The following PCDHGA6 variants were observed in gnomAD, a reference collection of about 807,000 sequenced individuals.
PCDHGA6 encodes protocadherin gamma-A6.
Under a neutral mutation model 60.6 loss-of-function variants are expected in PCDHGA6, and 41 were observed. The observed-to-expected ratio is 0.68, with a 90% CI of 0.53 to 0.88. PCDHGA6 has a LOEUF of 0.88. Among genes scored for constraint, PCDHGA6 ranks in the 40% least tolerant of loss-of-function variants. The pLI, the probability that PCDHGA6 is intolerant of heterozygous loss-of-function variation, is 0.00. For missense variants in PCDHGA6, 1,312 were observed against 1,203.0 expected, an observed-to-expected ratio of 1.09 and a Z score of -1.34; for synonymous variants, 594 against 524.4, an observed-to-expected ratio of 1.13 and a Z score of -1.81.
At chr5:141,430,448 G>T in intron 1 of PCDHGA6, 1 of 192,294 alleles carries the variant, frequency 5.2e-6, no homozygotes. Flanking sequence ...ATCCCCTTTT[G>T]AAGAACAGTA....
At chr5:141,408,211 G>C in intron 1 of PCDHGA6, 1 of 1,554,426 alleles carries the variant, frequency 6.4e-7, no homozygotes, top group Non-Finnish European at 8.7e-7. Context: ...CGATGGGAGG[G>C]AGCTGCGCGC....
chr5:141,485,609 G>T lies in PCDHGA6; in HGVS notation c.2425-9198G>T. On this transcript the variant is annotated intron_variant, in intron 1 of 3. Coordinates refer to ENST00000517434, the MANE Select transcript of PCDHGA6 (RefSeq NM_018919.3). The surrounding 1 kb of genome is among the most constrained non-coding windows in gnomAD (Gnocchi z 5.7). ...GCTGGACTTGGAAATTGGGGAGGCA[G>T]CTCCTCCAGGACAGCGTTTCCCGTT... The T allele has an allele frequency of 6.2e-7, 1 of 1,612,256 alleles. No homozygotes were observed. Among genetic ancestry groups the T allele is most frequent in the Non-Finnish European group, 8.5e-7 (1 of 1,178,656 alleles).
rs201394036 is a variant in PCDHGA6 at position 141,385,181 on chromosome 5, C to A, written c.2424+8674C>A. On this transcript the variant is annotated intron_variant, in intron 1 of 3. Coordinates refer to ENST00000517434, the MANE Select transcript of PCDHGA6 (RefSeq NM_018919.3). ...TATTCCCATGAGGTCTCCCTCACCGCGGACTCTCGGAAGAGTCACCTGATC... is the reference window on the plus strand; with the variant it reads ...TATTCCCATGAGGTCTCCCTCACCGAGGACTCTCGGAAGAGTCACCTGATC... 2.3e-4 allele frequency: 371 copies of A among 1,614,202 alleles called. 1 individual carries two copies. The highest frequency in any genetic ancestry group is 2.9e-4 in the Non-Finnish European group (346 of 1,180,040).
At chr5:141,484,950 T>G in intron 1 of PCDHGA6, 1 of 561,950 alleles carries the variant, frequency 1.8e-6, no homozygotes, top group Non-Finnish European at 3.2e-6. Context: ...GCTCAGCCTA[T>G]TGGCTGAGCC....
intron 1 of PCDHGA6, chr5:141,398,772 G>T: frequency 6.2e-7 from 1 of 1,613,910 alleles, no homozygotes; most frequent in Non-Finnish European, 8.5e-7. Flanking sequence ...TGACTGCCTT[G>T]GACGGTGGAC....
intron 1 of PCDHGA6, chr5:141,419,997 T>C: frequency 2.5e-6 from 4 of 1,614,088 alleles, no homozygotes; most frequent in Non-Finnish European, 3.4e-6. Flanking sequence ...GCTATTGCTC[T>C]ACGCCTGCGA....
Position 141,511,643 on chromosome 5 carries a change from C to T in PCDHGA6, c.*470C>T, listed in dbSNP as rs937995879. ...TGAAAAGTTGGAAGGGCATCATGACCTCTTGGCCTCTCCTTTGATTCTCAA... is the reference window on the plus strand; with the variant it reads ...TGAAAAGTTGGAAGGGCATCATGACTTCTTGGCCTCTCCTTTGATTCTCAA... On this transcript the variant is annotated 3_prime_UTR_variant, in exon 4 of 4. Coordinates refer to ENST00000517434, the MANE Select transcript of PCDHGA6 (RefSeq NM_018919.3). 4 of 218,904 alleles carry T rather than the reference C, an allele frequency of 1.8e-5. No homozygotes were observed. The highest frequency in any genetic ancestry group is 5.2e-5 in the Admixed American group (1 of 19,306). 13.6% of individuals were successfully genotyped at this position (218,904 alleles called of 1,614,324 possible). A position where few individuals can be genotyped will look rare whatever the true frequency, so the allele number is the denominator to read the frequency against.
In PCDHGA6 at chr5:141,485,870, C is replaced by A. The variant is rs745737454; in HGVS notation, c.2425-8937C>A. On this transcript the variant is annotated intron_variant, in intron 1 of 3. Coordinates refer to ENST00000517434, the MANE Select transcript of PCDHGA6 (RefSeq NM_018919.3). The surrounding 1 kb of genome is among the most constrained non-coding windows in gnomAD (Gnocchi z 5.7). ...CACCGCAGAGCTCCGGGTATCCGTGCTGGACGTAAACGACAACGCCCCAGC... is the reference window on the plus strand; with the variant it reads ...CACCGCAGAGCTCCGGGTATCCGTGATGGACGTAAACGACAACGCCCCAGC... 1 of 1,614,174 alleles carries A rather than the reference C, an allele frequency of 6.2e-7. No homozygotes were observed. Among genetic ancestry groups the A allele is most frequent in the Non-Finnish European group, 8.5e-7 (1 of 1,180,032 alleles).
At chr5:141,420,551 ATTTTTACGGCATGGT>A (rs2096505176) in intron 1 of PCDHGA6, 3 of 266,550 alleles carry the variant, frequency 1.1e-5, no homozygotes, top group Admixed American at 5.1e-5. Context: ...ATACAGGTAT[ATTTTTACGGCATGGT>A]ATTTTAATTG....
chr5:141,457,335 A>G (rs2098917073), intron 1 of PCDHGA6, among the ~76,000 whole-genome samples: 1 of 152,172 alleles, frequency 6.6e-6, no homozygotes, highest in Admixed American at 6.5e-5. Flanking sequence ...CAGGTACCTT[A>G]CTTACTTTCA....
At chr5:141,405,227 C>A (rs562247940) in intron 1 of PCDHGA6, 1 of 1,614,114 alleles carries the variant, frequency 6.2e-7, no homozygotes. Context: ...GGAGTTCTCC[C>A]TCACCGCTGA....
At position 141,489,503 on chromosome 5, in the gene PCDHGA6, A is replaced by T; in HGVS notation, c.2425-5304A>T. 1 of 1,614,092 alleles carries T rather than the reference A, an allele frequency of 6.2e-7. No homozygotes were observed. ...ATGAGTGGTGCCCTGGCAGTGAATC[A>T]AAAGATTGACCGAGAAAGCCTATGT... is the stretch of plus-strand genomic sequence containing the variant. On this transcript the variant is annotated intron_variant, in intron 1 of 3. Transcript: ENST00000517434. The surrounding 1 kb of genome is among the most constrained non-coding windows in gnomAD (Gnocchi z 4.5).
In PCDHGA6 at chr5:141,477,101, G is replaced by A. The variant is rs770640663; in HGVS notation, c.2425-17706G>A. On this transcript the variant is annotated intron_variant, in intron 1 of 3. Transcript: ENST00000517434. The surrounding 1 kb of genome is among the most constrained non-coding windows in gnomAD (Gnocchi z 4.9). ...TTACATCCAGGCCAAAGACAAGGGC[G>A]CCAATCCCGAAGGAGCACATTGCAA... 2 of 1,614,262 alleles carry A rather than the reference G, an allele frequency of 1.2e-6. No individual in the cohort carries two copies. Among genetic ancestry groups the A allele is most frequent in the East Asian group, 2.2e-5 (1 of 44,884 alleles).
intron 1 of PCDHGA6, among the ~76,000 whole-genome samples, chr5:141,481,913 CAAAAAAA>C (rs34114744): frequency 2.2e-5 from 2 of 90,812 alleles, no homozygotes; most frequent in Admixed American, 1.2e-4. Context: ...AACTCCATCT[CAAAAAAA>C]AAAAAAAAAA....
At chr5:141,403,240 T>A (rs948095468) in intron 1 of PCDHGA6, 2 of 1,613,926 alleles carry the variant, frequency 1.2e-6, no homozygotes, top group Admixed American at 3.3e-5. Flanking sequence ...AGGAGCTCTG[T>A]GCTCAGAGCC....
intron 1 of PCDHGA6, among the ~76,000 whole-genome samples, chr5:141,469,600 T>C (rs1276702104): frequency 6.6e-6 from 1 of 151,974 alleles, no homozygotes; most frequent in Non-Finnish European, 1.5e-5. Flanking sequence ...TAAAACAAAA[T>C]AAGTAAAATA....
chr5:141,430,926 C>A (rs145535410), intron 1 of PCDHGA6: 4 of 1,607,308 alleles, frequency 2.5e-6, no homozygotes, highest in African/African-American at 1.3e-5. Context: ...GGGCTGGAGC[C>A]CCGGGAGCTC....
Position 141,431,583 on chromosome 5 carries a change from C to A in PCDHGA6, c.2424+55076C>A, listed in dbSNP as rs771534481. On this transcript the variant is annotated intron_variant, in intron 1 of 3. Transcript: ENST00000517434. The surrounding 1 kb of genome is among the most constrained non-coding windows in gnomAD (Gnocchi z 4.8). ...ACCGACCCTGACGAAGGAGTCAATGCGGAAGTGAGGTATTCCTTCCGGTAT... is the reference window on the plus strand; with the variant it reads ...ACCGACCCTGACGAAGGAGTCAATGAGGAAGTGAGGTATTCCTTCCGGTAT... The A allele has an allele frequency of 1.1e-5, 18 of 1,614,008 alleles. No individual in the cohort carries two copies. In the South Asian group the frequency reaches 1.2e-4, roughly 11 times the overall value.
At position 141,375,795 on chromosome 5, in the gene PCDHGA6, G is replaced by T. The variant is rs765881835; in HGVS notation, c.1712G>T (p.Gly571Val). Reference protein sequence around the residue: ...EILYPALPTDGSTGVELAPRS... With the variant: ...EILYPALPTDVSTGVELAPRS... Reference sequence around the variant, plus strand: ...CTGTACCCCGCCCTCCCCACAGACGGTTCCACTGGCGTGGAGCTGGCGCCC... The same window carrying T: ...CTGTACCCCGCCCTCCCCACAGACGTTTCCACTGGCGTGGAGCTGGCGCCC... The change falls in exon 1 of 4, where the codon GGT becomes GTT. Residue 571 changes from glycine (G) to valine (V), a missense_variant. By Grantham distance (109) the Gly-to-Val change is moderately radical. Coordinates refer to ENST00000517434, the MANE Select transcript of PCDHGA6 (RefSeq NM_018919.3). 4 of 1,614,218 alleles carry T rather than the reference G, an allele frequency of 2.5e-6. No individual in the cohort carries two copies. The South Asian group carries it at 3.3e-5, about 13-fold the overall frequency.
Sources: allele counts gnomAD v4.1 joint callset (sites outside exome capture counted in the v4.1 genomes callset), GRCh38; gene constraint gnomAD v4.1.1; non-coding constraint Gnocchi (gnomAD v3.1); transcripts MANE v1.5; gene names NCBI Gene and HGNC (gene_info 2026-07-23, HGNC 2026-07-21).